Variants in LRRC7 observed in about 807,000 individuals in gnomAD.
The protein encoded by LRRC7 is leucine rich repeat containing 7, also known as leucine-rich repeat-containing protein 7.
Under a neutral mutation model 175.7 loss-of-function variants are expected in LRRC7, and 23 were observed. The observed-to-expected ratio is 0.13, with a 90% confidence interval of 0.09 to 0.19. The LOEUF is 0.19. LRRC7 is among the 10% of genes least tolerant of loss of function. LRRC7 has a pLI of 1.00. For missense variants in LRRC7, 1,354 were observed against 1,904.7 expected (o/e 0.71, Z 5.38); for synonymous variants, 685 against 680.9 (o/e 1.01, Z -0.09).
intron 7 of LRRC7, chr1:69,874,330 A>G (rs769177260): frequency 7.9e-5 from 12 of 152,164 alleles, no homozygotes; most frequent in Non-Finnish European, 1.3e-4. Flanking sequence ...TTATACATAC[A>G]ATTTAGAAGT....
At chr1:70,011,436 G>A (rs1461861198) in intron 11 of LRRC7, among the ~76,000 whole-genome samples, 1 of 151,710 alleles carries the variant, frequency 6.6e-6, no homozygotes, top group Non-Finnish European at 1.5e-5. Flanking sequence ...CCCTGGACCT[G>A]CCCTCTCCAC....
At chr1:69,696,547 G>A (rs991902232) in intron 2 of LRRC7, among the ~76,000 whole-genome samples, 1 of 152,152 alleles carries the variant, frequency 6.6e-6, no homozygotes, top group African/African-American at 2.4e-5. Context: ...AGAAGAACAA[G>A]AGATGATGTG....
At position 69,867,941 on chromosome 1, in the gene LRRC7, T is replaced by A. The variant is rs1685115637; in HGVS notation, c.647+29658T>A. Reference sequence around the variant, plus strand: ...CCATAAAATTAAATTAAGTAAAATTTTACTTCCATAAAAGTAAAATTAAGA... The same window carrying A: ...CCATAAAATTAAATTAAGTAAAATTATACTTCCATAAAAGTAAAATTAAGA... On this transcript the variant is annotated intron_variant, in intron 7 of 26. Transcript: ENST00000651989. Among the ~76,000 whole-genome samples the A allele has an allele frequency of 1.3e-5, 2 of 152,054 alleles. 1 individual carries two copies. Among genetic ancestry groups the A allele is most frequent in the African/African-American group, 4.8e-5 (2 of 41,388 alleles).
At chr1:70,083,065 G>A (rs946332626) in intron 24 of LRRC7, among the ~76,000 whole-genome samples, 7 of 151,914 alleles carry the variant, frequency 4.6e-5, no homozygotes, top group African/African-American at 1.2e-4. Context: ...GATTACAGGC[G>A]TGAGCCATTG....
intron 8 of LRRC7, among the ~76,000 whole-genome samples, chr1:69,958,945 T>C (rs1443894980): frequency 6.6e-6 from 1 of 152,098 alleles, no homozygotes; most frequent in African/African-American, 2.4e-5. Flanking sequence ...TTATTACCTT[T>C]GGAGTAAATC....
intron 4 of LRRC7, among the ~76,000 whole-genome samples, chr1:69,811,739 G>A (rs1677899126): frequency 6.6e-6 from 1 of 152,080 alleles, no homozygotes; most frequent in Non-Finnish European, 1.5e-5. Flanking sequence ...ATGGACACAG[G>A]GAGGGGAACA....
Position 70,131,604 on chromosome 1 carries a change from G to C in LRRC7, c.*9717G>C, listed in dbSNP as rs1666665011. On this transcript the variant is annotated 3_prime_UTR_variant, in exon 27 of 27. Coordinates refer to ENST00000651989, the MANE Select transcript of LRRC7 (RefSeq NM_001370785.2). ...TAATTTCTTTGTATAAAGAGAACTT[G>C]ATAACTATCAAGTTAATTATGTCTT... Among the ~76,000 whole-genome samples the C allele has an allele frequency of 6.6e-6, 1 of 152,100 alleles. No individual in the cohort carries two copies.
At chr1:69,831,993 A>G (rs1255745407) in intron 5 of LRRC7, among the ~76,000 whole-genome samples, 1 of 152,220 alleles carries the variant, frequency 6.6e-6, no homozygotes, top group African/African-American at 2.4e-5. Flanking sequence ...TTGAGGACTT[A>G]TTACTAAGAA....
rs928228320 is a variant in LRRC7 at position 70,126,403 on chromosome 1, C to T, written c.*4516C>T. 2.0e-5 allele frequency among the ~76,000 whole-genome samples: 3 copies of T among 151,904 alleles called. No individual in the cohort carries two copies. The highest frequency in any genetic ancestry group is 7.3e-5 in the African/African-American group (3 of 41,314). On this transcript the variant is annotated 3_prime_UTR_variant, in exon 27 of 27. Transcript: ENST00000651989. The stretch of plus-strand genomic sequence containing the variant: ...CACTGTAGTTCCTTTCACAGAAATG[C>T]TAAATCTTACTGAGCTTAACTAAAT...
intron 1 of LRRC7, among the ~76,000 whole-genome samples, chr1:69,598,644 C>A (rs1646934997): frequency 6.6e-6 from 1 of 152,080 alleles, no homozygotes; most frequent in South Asian, 2.1e-4. Context: ...TTCATCTCAA[C>A]CAAAAAACAA....
intron 6 of LRRC7, among the ~76,000 whole-genome samples, chr1:69,835,798 T>C (rs1681035121): frequency 6.6e-6 from 1 of 152,042 alleles, no homozygotes; most frequent in African/African-American, 2.4e-5. Context: ...ATATTATGGT[T>C]CATCTATATG....
intron 4 of LRRC7, among the ~76,000 whole-genome samples, chr1:69,824,188 C>T (rs1679628232): frequency 6.6e-6 from 1 of 151,974 alleles, no homozygotes; most frequent in Non-Finnish European, 1.5e-5. Context: ...GGTGATAAGG[C>T]ATCATGTATA....
At chr1:69,676,156 C>T (rs886341407) in intron 1 of LRRC7, among the ~76,000 whole-genome samples, 2 of 151,784 alleles carry the variant, frequency 1.3e-5, no homozygotes, top group Admixed American at 6.6e-5. Flanking sequence ...GTTATTATTC[C>T]ACCACAAAAA....
Position 70,124,745 on chromosome 1 carries a change from G to A in LRRC7, c.*2858G>A, listed in dbSNP as rs534999733. Reference sequence around the variant, plus strand: ...TTTTAACAATAAAAAAAAGTCAAGGGTGTGCCTTTTAAAAAAAAAAAAGAA... The same window carrying A: ...TTTTAACAATAAAAAAAAGTCAAGGATGTGCCTTTTAAAAAAAAAAAAGAA... On this transcript the variant is annotated 3_prime_UTR_variant, in exon 27 of 27. Transcript: ENST00000651989. Among the ~76,000 whole-genome samples the A allele has an allele frequency of 6.3e-4, 91 of 144,514 alleles. 1 individual carries two copies. In the South Asian group the frequency reaches 0.015, roughly 23 times the overall value. The allele number at this position is 144,514 out of a possible 152,430, so 94.8% of individuals were successfully genotyped here. A position where few individuals can be genotyped will look rare whatever the true frequency, so the allele number is the denominator to read the frequency against.
At chr1:69,589,504 C>T (rs1646545996) in intron 1 of LRRC7, among the ~76,000 whole-genome samples, 1 of 152,076 alleles carries the variant, frequency 6.6e-6, no homozygotes, top group African/African-American at 2.4e-5. Flanking sequence ...AGAGATCTCC[C>T]TTAGTCTCTA....
At position 70,135,248 on chromosome 1, in the gene LRRC7, C is replaced by T. The variant is rs1431540748; in HGVS notation, c.*13361C>T. 6.6e-6 allele frequency among the ~76,000 whole-genome samples: 1 copy of T among 152,096 alleles called. No individual in the cohort carries two copies. Among genetic ancestry groups the T allele is most frequent in the Non-Finnish European group, 1.5e-5 (1 of 68,028 alleles). On this transcript the variant is annotated 3_prime_UTR_variant, in exon 27 of 27. Coordinates refer to ENST00000651989, the MANE Select transcript of LRRC7 (RefSeq NM_001370785.2). ...AACCTCTAGGTCAGTGCTTGCTATC[C>T]AGCCACTAGCATAGTTCCCCAGGAG...
intron 7 of LRRC7, among the ~76,000 whole-genome samples, chr1:69,849,196 A>C (rs1416593294): frequency 6.6e-6 from 1 of 152,054 alleles, no homozygotes; most frequent in African/African-American, 2.4e-5. Flanking sequence ...GAATCTTATC[A>C]AGCATTAGCT....
chr1:70,060,484 G>T (rs1463470546), intron 23 of LRRC7, among the ~76,000 whole-genome samples: 1 of 152,098 alleles, frequency 6.6e-6, no homozygotes, highest in African/African-American at 2.4e-5. Context: ...CTGAGAATAG[G>T]CATTGTGCTG....
intron 25 of LRRC7, among the ~76,000 whole-genome samples, chr1:70,090,327 A>C (rs774333713): frequency 6.6e-6 from 1 of 152,100 alleles, no homozygotes; most frequent in Non-Finnish European, 1.5e-5. Context: ...ACAGAAAACA[A>C]ATTTTTTATG....
Sources: allele counts gnomAD v4.1 joint callset (sites outside exome capture counted in the v4.1 genomes callset), GRCh38; gene constraint gnomAD v4.1.1; transcripts MANE v1.5; gene names NCBI Gene and HGNC (gene_info 2026-07-23, HGNC 2026-07-21).